Variants in RBFOX1 observed in about 807,000 individuals in gnomAD.
RBFOX1 encodes RNA binding fox-1 homolog 1.
Under a neutral mutation model 57.7 loss-of-function variants are expected in RBFOX1, and 8 were observed. The observed-to-expected ratio is 0.14, with a 90% CI of 0.08 to 0.25. RBFOX1 has a LOEUF of 0.25. Among genes scored for constraint, RBFOX1 ranks in the 10% least tolerant of loss-of-function variants. The probability of loss-of-function intolerance (pLI) is 1.00; values close to 1 mark genes in which losing one functional copy is unlikely to be tolerated. For missense variants in RBFOX1, 611 were observed against 548.5 expected (o/e 1.11, Z -1.14); for synonymous variants, 326 against 222.4 (o/e 1.47, Z -4.15).
intron 4 of RBFOX1, among the ~76,000 whole-genome samples, chr16:7,466,889 G>C (rs751294962): frequency 1.3e-5 from 2 of 152,128 alleles, no homozygotes; most frequent in Non-Finnish European, 2.9e-5. Flanking sequence ...GAATGACCAG[G>C]AATGGTCTCT....
At chr16:5,783,164 A>G (rs754996396) in intron 3 of RBFOX1, among the ~76,000 whole-genome samples, 3 of 152,020 alleles carry the variant, frequency 2.0e-5, no homozygotes, top group South Asian at 2.1e-4. Context: ...TTTACATGCA[A>G]AAACACACAA....
At chr16:7,402,862 A>G (rs2098268361) in intron 4 of RBFOX1, among the ~76,000 whole-genome samples, 1 of 152,186 alleles carries the variant, frequency 6.6e-6, no homozygotes, top group Non-Finnish European at 1.5e-5. Flanking sequence ...GACATCACCT[A>G]ACTCATTCAG....
chr16:7,292,010 T>C (rs1265651553), intron 4 of RBFOX1, among the ~76,000 whole-genome samples: 1 of 141,562 alleles, frequency 7.1e-6, no homozygotes, highest in Non-Finnish European at 1.5e-5. Context: ...ATATGTATTA[T>C]ATATTGTATA....
At chr16:6,628,230 T>A (rs2098336143) in intron 2 of RBFOX1, among the ~76,000 whole-genome samples, 1 of 152,210 alleles carries the variant, frequency 6.6e-6, no homozygotes, top group African/African-American at 2.4e-5. Flanking sequence ...CTTAGGAATG[T>A]GTACTCAATG....
intron 1 of RBFOX1, among the ~76,000 whole-genome samples, chr16:6,025,105 A>G (rs1398072991): frequency 6.6e-6 from 1 of 152,222 alleles, no homozygotes; most frequent in Non-Finnish European, 1.5e-5. Context: ...AGATACCAGG[A>G]TATATTTATG....
intron 4 of RBFOX1, among the ~76,000 whole-genome samples, chr16:7,339,486 G>T (rs2096852762): frequency 1.3e-5 from 2 of 152,144 alleles, no homozygotes; most frequent in Non-Finnish European, 2.9e-5. Context: ...TGTAGCCCAG[G>T]CTGTAGTGCA....
chr16:6,033,273 G>A (rs1454163787), intron 1 of RBFOX1, among the ~76,000 whole-genome samples: 1 of 152,148 alleles, frequency 6.6e-6, no homozygotes, highest in Non-Finnish European at 1.5e-5. Flanking sequence ...GTCGTTTCTA[G>A]GCAGGGAATG....
intron 3 of RBFOX1, among the ~76,000 whole-genome samples, chr16:7,051,730 G>C (rs7204520): frequency 0.53 from 80,024 of 151,482 alleles, 23,142 homozygotes; most frequent in South Asian, 0.76. Context: ...AGGGCAAGCT[G>C]GGGTTTTCAG....
intron 4 of RBFOX1, among the ~76,000 whole-genome samples, chr16:7,197,459 A>AC (rs2087009513): frequency 6.6e-6 from 1 of 151,884 alleles, no homozygotes; most frequent in African/African-American, 2.4e-5. Context: ...AAAAAAAAAA[A>AC]AAACATCAAG....
At chr16:5,383,701 AT>A (rs1175984158) in intron 1 of RBFOX1, among the ~76,000 whole-genome samples, 2 of 152,194 alleles carry the variant, frequency 1.3e-5, no homozygotes, top group Non-Finnish European at 2.9e-5. Context: ...TCACACTATG[AT>A]TTGGGCACTG....
chr16:6,807,135 C>G (rs778202700), intron 3 of RBFOX1, among the ~76,000 whole-genome samples: 1 of 151,648 alleles, frequency 6.6e-6, no homozygotes, highest in Non-Finnish European at 1.5e-5. Context: ...TGCCCAGCCT[C>G]TTTTTTTCCT....
Position 5,951,927 on chromosome 16 carries a change from C to T in RBFOX1, c.351+84592C>T, listed in dbSNP as rs555693416. Among the ~76,000 whole-genome samples the T allele has an allele frequency of 2.0e-5, 3 of 151,536 alleles. No individual in the cohort carries two copies. In the South Asian group the frequency reaches 6.3e-4, roughly 32 times the overall value. On this transcript the variant is annotated intron_variant, in intron 4 of 19. Transcript: ENST00000641259. ...ATACTCTCAAGGTGTAGACTAATTA[C>T]CAGGTACGTCAGAATCACCTGTGCT...
chr16:6,851,535 A>G (rs1370616965), intron 3 of RBFOX1, among the ~76,000 whole-genome samples: 2 of 152,196 alleles, frequency 1.3e-5, no homozygotes, highest in East Asian at 3.8e-4. Context: ...TTACATATTA[A>G]ATTTTTATTT....
chr16:6,118,683 CCTTCCTTT>C (rs1013470140), intron 1 of RBFOX1, among the ~76,000 whole-genome samples: 21 of 149,066 alleles, frequency 1.4e-4, no homozygotes, highest in African/African-American at 5.2e-4. Flanking sequence ...CTTCTTCCTT[CCTTCCTTT>C]CTTCCTTCCT....
chr16:5,962,045 C>G (rs140439376), intron 4 of RBFOX1, among the ~76,000 whole-genome samples: 10 of 152,256 alleles, frequency 6.6e-5, no homozygotes, highest in African/African-American at 2.2e-4. Flanking sequence ...CTCCTGTTCT[C>G]GTGGTACAAA....
At chr16:7,152,922 A>C (rs1652393329) in intron 4 of RBFOX1, among the ~76,000 whole-genome samples, 1 of 152,246 alleles carries the variant, frequency 6.6e-6, no homozygotes, top group Non-Finnish European at 1.5e-5. Flanking sequence ...TCTGAGAACA[A>C]ACAAAATCTA....
rs567170976 is a variant in RBFOX1, at chr16:6,896,084, C to T, written c.-15-155973C>T. Among the ~76,000 whole-genome samples the T allele has an allele frequency of 7.6e-4, 115 of 152,156 alleles. 1 individual carries two copies. Among genetic ancestry groups the T allele is most frequent in the Non-Finnish European group, 9.6e-4 (65 of 68,004 alleles). ...GCTTAGGAGTTTGGGACCAACCTGG[C>T]CAACATGGTGAAACCCCATCTCTAT... On this transcript the variant is annotated intron_variant, in intron 3 of 15. Transcript: ENST00000550418.
At chr16:5,512,774 T>G (rs549989760) in intron 2 of RBFOX1, among the ~76,000 whole-genome samples, 2 of 152,344 alleles carry the variant, frequency 1.3e-5, no homozygotes, top group East Asian at 3.9e-4. Context: ...TGATGCATTG[T>G]TATTACCTAA....
chr16:5,405,742 G>T (rs1264655604), intron 1 of RBFOX1, among the ~76,000 whole-genome samples: 2 of 152,328 alleles, frequency 1.3e-5, no homozygotes, highest in East Asian at 1.9e-4. Flanking sequence ...GTCTAAGCCA[G>T]TTACAGTAAT....
Sources: allele counts gnomAD v4.1 joint callset (sites outside exome capture counted in the v4.1 genomes callset), GRCh38; gene constraint gnomAD v4.1.1; transcripts MANE v1.5; gene names NCBI Gene and HGNC (gene_info 2026-07-23, HGNC 2026-07-21).